The following PLCB4 variants were observed in gnomAD, a reference collection of about 807,000 sequenced individuals.
PLCB4 encodes phospholipase C beta 4, also known as 1-phosphatidylinositol 4,5-bisphosphate phosphodiesterase beta-4.
PLCB4 carries 77 observed loss-of-function variants against 178.8 expected under a neutral mutation model. The observed-to-expected ratio is 0.43, with a 90% CI of 0.36 to 0.52. The LOEUF is 0.52. Among genes scored for constraint, PLCB4 ranks in the 20% least tolerant of loss-of-function variants. The pLI, the probability that PLCB4 is intolerant of heterozygous loss-of-function variation, is 0.00. For synonymous variants in PLCB4, 496 were observed against 490.8 expected, an observed-to-expected ratio of 1.01 and a Z score of -0.14; for missense variants, 1,024 against 1,453.4, an observed-to-expected ratio of 0.70 and a Z score of 4.80.
intron 12 of PLCB4, among the ~76,000 whole-genome samples, chr20:9,373,908 A>T (rs1254673748): frequency 6.6e-6 from 1 of 152,214 alleles, no homozygotes; most frequent in African/African-American, 2.4e-5. Flanking sequence ...TGGAAAATTC[A>T]CTTTTTTTTC....
At chr20:9,345,017 T>TA (rs977973290) in intron 7 of PLCB4, among the ~76,000 whole-genome samples, 18 of 150,834 alleles carry the variant, frequency 1.2e-4, no homozygotes, top group African/African-American at 2.7e-4. Flanking sequence ...TGCAGCCTAC[T>TA]AAAAAAAAAC....
In PLCB4 at chr20:9,125,901, G is replaced by T. The variant is rs538821620; in HGVS notation, c.-79+29559G>T. Among the ~76,000 whole-genome samples, 4 of 152,242 alleles carry T rather than the reference G, an allele frequency of 2.6e-5. No homozygotes were observed. The South Asian group carries it at 8.3e-4, about 32-fold the overall frequency. On this transcript the variant is annotated intron_variant, in intron 2 of 39. Coordinates refer to ENST00000378473, the MANE Select transcript of PLCB4 (RefSeq NM_001377142.1). The stretch of plus-strand genomic sequence containing the variant: ...GACCAGAACCATCCCCTCTTTCCCT[G>T]AAGTTTACTTTGTTGGGGGAGACAG...
rs574613851 is a variant in PLCB4 at position 9,142,885 on chromosome 20, A to G, written c.-79+46543A>G. On this transcript the variant is annotated intron_variant, in intron 2 of 39. Coordinates refer to ENST00000378473, the MANE Select transcript of PLCB4 (RefSeq NM_001377142.1). ...AGCCAAAGCACTCACAAGGGCCCCA[A>G]GGGCCTGGCACGATCCCTTCCTCTT... Among the ~76,000 whole-genome samples, 7 of 152,278 alleles carry G rather than the reference A, an allele frequency of 4.6e-5. No individual in the cohort carries two copies. In the South Asian group the frequency reaches 1.2e-3, roughly 27 times the overall value.
In PLCB4 at chr20:9,242,502, C is replaced by T. The variant is rs567474651; in HGVS notation, c.-16+25050C>T. On this transcript the variant is annotated intron_variant, in intron 3 of 39. Transcript: ENST00000378473. ...ATGTGAGCAATAAAGGGGACCATTT[C>T]ATCTGGGGGAATCTAACCAATATAA... is the stretch of plus-strand genomic sequence containing the variant. Among the ~76,000 whole-genome samples the T allele has an allele frequency of 8.5e-5, 13 of 152,346 alleles. 1 individual carries two copies. Among genetic ancestry groups the T allele is most frequent in the Non-Finnish European group, 1.6e-4 (11 of 68,022 alleles).
At chr20:9,478,825 AC>A (rs2044726244) in intron 39 of PLCB4, 95 bp from the exon 40 acceptor site, 1 of 866,038 alleles carries the variant, frequency 1.2e-6, no homozygotes, top group Non-Finnish European at 2.0e-6. Context: ...GGATGTGGTG[AC>A]AGGATCATAT....
At chr20:9,178,770 A>G (rs2093196937) in intron 2 of PLCB4, among the ~76,000 whole-genome samples, 1 of 152,060 alleles carries the variant, frequency 6.6e-6, no homozygotes, top group Non-Finnish European at 1.5e-5. Context: ...TGTTGTATAT[A>G]GGGATATATG....
intron 3 of PLCB4, among the ~76,000 whole-genome samples, chr20:9,233,037 T>C (rs1306539847): frequency 6.6e-6 from 1 of 152,104 alleles, no homozygotes; most frequent in Non-Finnish European, 1.5e-5. Flanking sequence ...GAGACAGTGA[T>C]TTATATTGTC....
chr20:9,230,087 T>G (rs952717597), intron 3 of PLCB4, among the ~76,000 whole-genome samples: 2 of 152,160 alleles, frequency 1.3e-5, no homozygotes, highest in South Asian at 4.1e-4. Flanking sequence ...GCCTTTCTCC[T>G]TGGCTTGCAG....
chr20:9,318,412 A>C (rs766912632), intron 4 of PLCB4, among the ~76,000 whole-genome samples: 22 of 152,022 alleles, frequency 1.4e-4, no homozygotes, highest in Non-Finnish European at 2.8e-4. Context: ...AGGTGGAGAC[A>C]TGGGTGTGAG....
At chr20:9,296,450 C>T (rs1215435929) in intron 3 of PLCB4, among the ~76,000 whole-genome samples, 5 of 152,122 alleles carry the variant, frequency 3.3e-5, no homozygotes, top group Non-Finnish European at 7.3e-5. Context: ...GTCAGTGTGG[C>T]GATTCCTCAG....
intron 7 of PLCB4, among the ~76,000 whole-genome samples, chr20:9,351,136 A>G (rs1263237971): frequency 6.8e-6 from 1 of 146,826 alleles, no homozygotes; most frequent in Non-Finnish European, 1.5e-5. Context: ...CAGAAGAAGT[A>G]TTTCTTTTTT....
chr20:9,357,982 A>G (rs73068404), intron 7 of PLCB4, among the ~76,000 whole-genome samples: 7,592 of 152,288 alleles, frequency 0.05, 263 homozygotes, highest in Non-Finnish European at 0.076. Flanking sequence ...GCTAAAATGC[A>G]GATTCTGATT....
chr20:9,408,007 A>G lies in PLCB4; in HGVS notation c.1738A>G (p.Met580Val), dbSNP rs369233949. 114 of 1,613,646 alleles carry G rather than the reference A, an allele frequency of 7.1e-5. No homozygotes were observed. Among genetic ancestry groups the G allele is most frequent in the South Asian group, 2.3e-4 (21 of 91,082 alleles). The change falls in exon 22 of 40, where the codon ATG becomes GTG. Residue 580 changes from methionine (M) to valine (V), a missense_variant. By Grantham distance (21) the Met-to-Val change is conservative (BLOSUM62 1). Coordinates refer to ENST00000378473, the MANE Select transcript of PLCB4 (RefSeq NM_001377142.1). ...TTNIHPYLST[M>V]INYAQPVKFQ... Reference sequence around the variant, plus strand: ...TAATATCCATCCATATTTGTCCACAATGATCAACTACGCCCAGCCTGTAAA... The same window carrying G: ...TAATATCCATCCATATTTGTCCACAGTGATCAACTACGCCCAGCCTGTAAA...
At chr20:9,333,550 G>A (rs75144621) in intron 4 of PLCB4, among the ~76,000 whole-genome samples, 8,188 of 152,192 alleles carry the variant, frequency 0.054, 576 homozygotes, top group East Asian at 0.28. Flanking sequence ...ATCCCAGATC[G>A]TTCAGGACCT....
intron 2 of PLCB4, among the ~76,000 whole-genome samples, chr20:9,113,268 G>A (rs1456135433): frequency 6.6e-6 from 1 of 152,152 alleles, no homozygotes. Context: ...TGCTGCTTTA[G>A]CTCATGGGCA....
chr20:9,101,247 A>C (rs2091138145), intron 2 of PLCB4, among the ~76,000 whole-genome samples: 1 of 152,146 alleles, frequency 6.6e-6, no homozygotes, highest in Non-Finnish European at 1.5e-5. Flanking sequence ...CTGTAGGGCA[A>C]ATCTGGGACA....
chr20:9,341,401 G>T (rs1004887663), intron 7 of PLCB4, among the ~76,000 whole-genome samples: 1 of 152,030 alleles, frequency 6.6e-6, no homozygotes, highest in Non-Finnish European at 1.5e-5. Flanking sequence ...CATACTTTTT[G>T]TATGGTATAT....
Position 9,437,007 on chromosome 20 carries a change from C to T in PLCB4, c.2619C>T (p.Asp873=). Residue 873 remains aspartate (D), a synonymous_variant, in exon 30 of 40, where the codon GAC becomes GAT. Transcript: ENST00000378473. ...QMRAMGIETS[D]IADVPSDTSK... is the part of the protein sequence containing the mutation. ...TGTAAATGTTTCTGTTCCAGAGTGA[C>T]ATAGCCGACGTGCCCAGTGACACTT... 2 of 1,613,880 alleles carry T rather than the reference C, an allele frequency of 1.2e-6. No homozygotes were observed. Among genetic ancestry groups the T allele is most frequent in the Non-Finnish European group, 1.7e-6 (2 of 1,179,882 alleles).
Position 9,250,330 on chromosome 20 carries a change from T to G in PLCB4, c.-16+32878T>G, listed in dbSNP as rs536758946. 2.6e-5 allele frequency among the ~76,000 whole-genome samples: 4 copies of G among 152,346 alleles called. No individual in the cohort carries two copies. In the East Asian group the frequency reaches 7.7e-4, roughly 29 times the overall value. Reference sequence around the variant, plus strand: ...GTCAGGTGGTACCCACAAACCTTCCTTAAACTCTGTGAGCTTTACAGCATT... The same window carrying G: ...GTCAGGTGGTACCCACAAACCTTCCGTAAACTCTGTGAGCTTTACAGCATT... On this transcript the variant is annotated intron_variant, in intron 3 of 39. Transcript: ENST00000378473.
Sources: gnomAD v4.1 joint callset for allele counts (sites outside exome capture counted in the v4.1 genomes callset) on GRCh38, gnomAD v4.1.1 for gene constraint, MANE v1.5 for transcripts, NCBI Gene and HGNC (gene_info 2026-07-23, HGNC 2026-07-21) for gene names.